The following FRAT1 variants were observed in gnomAD, a reference collection of about 807,000 sequenced individuals.
FRAT1 encodes proto-oncogene FRAT1.
In FRAT1, 9 loss-of-function variants were observed where a neutral mutation model predicts 16.9. The observed-to-expected ratio is 0.53, with a 90% CI of 0.32 to 0.93. The LOEUF is 0.93. Among genes scored for constraint, FRAT1 ranks in the 40% least tolerant of loss-of-function variants. The pLI is 0.04. For synonymous variants in FRAT1, 191 were observed against 202.1 expected (o/e 0.95, Z 0.46); for missense variants, 354 against 402.8 (o/e 0.88, Z 1.04).
chr10:97,319,439 C>T lies in FRAT1; in HGVS notation c.-15C>T, dbSNP rs987755672. 5 of 1,396,788 alleles carry T rather than the reference C, an allele frequency of 3.6e-6. No homozygotes were observed. The South Asian group carries it at 4.5e-5, about 13-fold the overall frequency. 86.5% of individuals were successfully genotyped at this position (1,396,788 alleles called of 1,614,324 possible). On this transcript the variant is annotated 5_prime_UTR_variant, in exon 1 of 1. Transcript: ENST00000371021. ...AGCGACGCCCGCACAGCTCCGGGTG[C>T]CCAGACAGGGGGCCATGCCGTGCCG... is the stretch of plus-strand genomic sequence containing the variant.
rs1394565710 is a variant in FRAT1 at position 97,319,898 on chromosome 10, C to T, written c.445C>T (p.Leu149Phe). 1.3e-6 allele frequency: 2 copies of T among 1,529,954 alleles called. No homozygotes were observed. The highest frequency in any genetic ancestry group is 2.5e-5 in the East Asian group (1 of 40,646). 94.8% of individuals were successfully genotyped at this position (1,529,954 alleles called of 1,614,324 possible). A position where few individuals can be genotyped will look rare whatever the true frequency, so the allele number is the denominator to read the frequency against. The change falls in exon 1 of 1, where the codon CTT becomes TTT. Residue 149 changes from leucine to phenylalanine, a missense_variant. Leu to Phe is a conservative substitution (Grantham distance 22, BLOSUM62 0). Around this residue, in one of 3 missense-constraint regions of FRAT1, gnomAD observed 286 missense variants for 311.0 expected, o/e 0.92. Coordinates refer to ENST00000371021, the MANE Select transcript of FRAT1 (RefSeq NM_005479.4). ...ALSPLPPQAD[L>F]DGPPGAGKQG... ...GTCCCCACTGCCCCCTCAGGCCGAC[C>T]TTGATGGGCCTCCGGGAGCTGGCAA...
Position 97,319,847 on chromosome 10 carries a change from G to A in FRAT1, c.394G>A (p.Glu132Lys), listed in dbSNP as rs1296160877. ...RGRAAPYCVAELATGPSALSP... is the reference protein window; with the variant it reads ...RGRAAPYCVAKLATGPSALSP... ...CCGCGCTGCGCCCTACTGCGTGGCC[G>A]AGCTCGCCACAGGCCCCAGCGCGCT... Residue 132 changes from glutamate (E) to lysine (K), a missense_variant, in exon 1 of 1, where the codon GAG becomes AAG. Glu to Lys is a moderately conservative substitution (Grantham distance 56, BLOSUM62 1). Around this residue, in one of 3 missense-constraint regions of FRAT1, gnomAD observed 286 missense variants for 311.0 expected, o/e 0.92. Transcript: ENST00000371021. The A allele has an allele frequency of 1.7e-5, 25 of 1,487,242 alleles. No individual in the cohort carries two copies. The highest frequency in any genetic ancestry group is 2.7e-5 in the East Asian group (1 of 37,040). 92.1% of individuals were successfully genotyped at this position (1,487,242 alleles called of 1,614,324 possible). A position where few individuals can be genotyped will look rare whatever the true frequency, so the allele number is the denominator to read the frequency against.
Position 97,319,759 on chromosome 10 carries a change from T to C in FRAT1, c.306T>C (p.Thr102=). The part of the protein sequence containing the change: ...PLLLPPALAE[T]VGPAPPGVLR... ...TGCTGCCGCCCGCGTTGGCGGAGAC[T>C]GTGGGCCCGGCGCCCCCTGGGGTCC... The change falls in exon 1 of 1, where the codon ACT becomes ACC. Residue 102 remains threonine, a synonymous_variant. Transcript: ENST00000371021. The C allele has an allele frequency of 8.1e-7, 1 of 1,232,240 alleles. No individual in the cohort carries two copies. Among genetic ancestry groups the C allele is most frequent in the Non-Finnish European group, 1.0e-6 (1 of 990,546 alleles). 76.3% of individuals were successfully genotyped at this position (1,232,240 alleles called of 1,614,324 possible). A position where few individuals can be genotyped will look rare whatever the true frequency, so the allele number is the denominator to read the frequency against.
chr10:97,320,174 T>G lies in FRAT1; in HGVS notation c.721T>G (p.Ser241Ala). The G allele has an allele frequency of 1.9e-6, 3 of 1,612,544 alleles. No homozygotes were observed. The highest frequency in any genetic ancestry group is 2.5e-6 in the Non-Finnish European group (3 of 1,179,530). Residue 241 changes from serine (S) to alanine (A), a missense_variant, in exon 1 of 1, where the codon TCG becomes GCG. By Grantham distance (99) the Ser-to-Ala change is moderately conservative (BLOSUM62 1). Around this residue, in one of 3 missense-constraint regions of FRAT1, gnomAD observed 286 missense variants for 311.0 expected, o/e 0.92. Transcript: ENST00000371021. ...CCAACGCCCGCTCCTGGGACCTCTG[T>G]CGGCCCCGGTGCATGAACCCCCTTC... is the stretch of plus-strand genomic sequence containing the variant. ...LPQRPLLGPL[S>A]APVHEPPSPR...
At position 97,319,811 on chromosome 10, in the gene FRAT1, C is replaced by A; in HGVS notation, c.358C>A (p.Arg120Ser). ...GCGCTGCGCCCTGGGGGACCGCGGC[C>A]GCGTGCGGGGCCGCGCTGCGCCCTA... ...VLRCALGDRG[R>S]VRGRAAPYCV... is the part of the protein sequence containing the mutation. The change falls in exon 1 of 1, where the codon CGC becomes AGC. Residue 120 changes from arginine (R) to serine (S), a missense_variant. This residue lies in a region of FRAT1 where 286 missense variants were observed against 311.0 expected (regional missense o/e 0.92). Coordinates refer to ENST00000371021, the MANE Select transcript of FRAT1 (RefSeq NM_005479.4). 1 of 1,351,060 alleles carries A rather than the reference C, an allele frequency of 7.4e-7. No individual in the cohort carries two copies. Among genetic ancestry groups the A allele is most frequent in the Non-Finnish European group, 9.4e-7 (1 of 1,062,622 alleles). The allele number at this position is 1,351,060 out of a possible 1,614,324, so 83.7% of individuals were successfully genotyped here.
chr10:97,319,304 G>T lies in FRAT1; in HGVS notation c.-150G>T, dbSNP rs145308736. On this transcript the variant is annotated 5_prime_UTR_variant, in exon 1 of 1. Coordinates refer to ENST00000371021, the MANE Select transcript of FRAT1 (RefSeq NM_005479.4). ...GCGGCTGCAGGCGCGCGGCTAGAGT[G>T]CCTGGCGGGCTCCGGCTTCCGCGTC... 908 of 1,068,612 alleles carry T rather than the reference G, an allele frequency of 8.5e-4. 8 individuals carry two copies. The African/African-American group carries it at 0.011, about 13-fold the overall frequency. 66.2% of individuals were successfully genotyped at this position (1,068,612 alleles called of 1,614,324 possible).
chr10:97,320,368 AGGCTGGTGGAGAACTCT>A lies in FRAT1; in HGVS notation c.*80_*96del. ...TCCCTTGAGGGCTGCAGTTCTACTC[AGGCTGGTGGAGAACTCT>A]GGCTTTTGGAAGCGAGAGTAAAAAG... On this transcript the variant is annotated 3_prime_UTR_variant, in exon 1 of 1. Transcript: ENST00000371021. The A allele has an allele frequency of 7.8e-7, 1 of 1,284,912 alleles. No homozygotes were observed. Among genetic ancestry groups the A allele is most frequent in the Non-Finnish European group, 1.0e-6 (1 of 954,904 alleles). The allele number at this position is 1,284,912 out of a possible 1,614,324, so 79.6% of individuals were successfully genotyped here.
chr10:97,320,344 C>G lies in FRAT1; in HGVS notation c.*51C>G, dbSNP rs539838394. 37 of 1,444,190 alleles carry G rather than the reference C, an allele frequency of 2.6e-5. No individual in the cohort carries two copies. The African/African-American group carries it at 4.1e-4, about 16-fold the overall frequency. The allele number at this position is 1,444,190 out of a possible 1,614,324, so 89.5% of individuals were successfully genotyped here. On this transcript the variant is annotated 3_prime_UTR_variant, in exon 1 of 1. Coordinates refer to ENST00000371021, the MANE Select transcript of FRAT1 (RefSeq NM_005479.4). Reference sequence around the variant, plus strand: ...GCCTCAGACTGGAGGGCAAGGGGTTCCCTTGAGGGCTGCAGTTCTACTCAG... The same window carrying G: ...GCCTCAGACTGGAGGGCAAGGGGTTGCCTTGAGGGCTGCAGTTCTACTCAG...
At position 97,319,532 on chromosome 10, in the gene FRAT1, C is replaced by G; in HGVS notation, c.79C>G (p.Leu27Val). Residue 27 changes from leucine (L) to valine (V), a missense_variant, in exon 1 of 1, where the codon CTA becomes GTA. Physicochemically the swap from Leu to Val is conservative, Grantham distance 32. Around this residue, in one of 3 missense-constraint regions of FRAT1, gnomAD observed 46 missense variants for 37.7 expected, o/e 1.22. Transcript: ENST00000371021. ...GEEEEEDSFL[L>V]LQQSVALGSS... ...GGAAGAGGAGGAGGACAGCTTCCTCCTACTGCAGCAGTCAGTGGCGCTGGG... is the reference window on the plus strand; with the variant it reads ...GGAAGAGGAGGAGGACAGCTTCCTCGTACTGCAGCAGTCAGTGGCGCTGGG... 12 of 1,478,684 alleles carry G rather than the reference C, an allele frequency of 8.1e-6. No homozygotes were observed. The highest frequency in any genetic ancestry group is 1.1e-5 in the Non-Finnish European group (12 of 1,117,914). 91.6% of individuals were successfully genotyped at this position (1,478,684 alleles called of 1,614,324 possible).
chr10:97,319,479 A>G lies in FRAT1; in HGVS notation c.26A>G (p.Glu9Gly). The G allele has an allele frequency of 6.8e-7, 1 of 1,466,072 alleles. No individual in the cohort carries two copies. The highest frequency in any genetic ancestry group is 9.0e-7 in the Non-Finnish European group (1 of 1,110,976). The allele number at this position is 1,466,072 out of a possible 1,614,324, so 90.8% of individuals were successfully genotyped here. MPCRREEEEEAGEEAEGEE... is the reference protein window; with the variant it reads MPCRREEEGEAGEEAEGEE... ...ATGCCGTGCCGGAGGGAGGAGGAAGAGGAAGCCGGCGAGGAGGCGGAGGGG... is the reference window on the plus strand; with the variant it reads ...ATGCCGTGCCGGAGGGAGGAGGAAGGGGAAGCCGGCGAGGAGGCGGAGGGG... Residue 9 changes from glutamate to glycine, a missense_variant, in exon 1 of 1, where the codon GAG becomes GGG. This residue lies in a region of FRAT1 where 46 missense variants were observed against 37.7 expected (regional missense o/e 1.22). Coordinates refer to ENST00000371021, the MANE Select transcript of FRAT1 (RefSeq NM_005479.4).
In FRAT1 at chr10:97,319,756, G is replaced by T; in HGVS notation, c.303G>T (p.Glu101Asp). The T allele has an allele frequency of 8.2e-7, 1 of 1,221,198 alleles. No homozygotes were observed. The highest frequency in any genetic ancestry group is 1.0e-6 in the Non-Finnish European group (1 of 983,188). The allele number at this position is 1,221,198 out of a possible 1,614,324, so 75.6% of individuals were successfully genotyped here. ...TGCTGCTGCCGCCCGCGTTGGCGGA[G>T]ACTGTGGGCCCGGCGCCCCCTGGGG... ...VPLLLPPALA[E>D]TVGPAPPGVL... Residue 101 changes from glutamate to aspartate, a missense_variant, in exon 1 of 1, where the codon GAG becomes GAT. Coordinates refer to ENST00000371021, the MANE Select transcript of FRAT1 (RefSeq NM_005479.4).
chr10:97,319,655 G>T lies in FRAT1; in HGVS notation c.202G>T (p.Gly68Trp). The T allele has an allele frequency of 8.3e-7, 1 of 1,211,932 alleles. No homozygotes were observed. The highest frequency in any genetic ancestry group is 1.0e-6 in the Non-Finnish European group (1 of 976,654). The allele number at this position is 1,211,932 out of a possible 1,614,324, so 75.1% of individuals were successfully genotyped here. A position where few individuals can be genotyped will look rare whatever the true frequency, so the allele number is the denominator to read the frequency against. The change falls in exon 1 of 1, where the codon GGG becomes TGG. Residue 68 changes from glycine to tryptophan, a missense_variant. Physicochemically the swap from Gly to Trp is radical, Grantham distance 184. Around this residue, in one of 3 missense-constraint regions of FRAT1, gnomAD observed 286 missense variants for 311.0 expected, o/e 0.92. Transcript: ENST00000371021. Reference protein sequence around the residue: ...HSPASPCGPPGAPLRAPGPLA... With the variant: ...HSPASPCGPPWAPLRAPGPLA... Reference sequence around the variant, plus strand: ...CCCGGCCTCGCCGTGCGGGCCCCCGGGGGCGCCGCTGCGGGCCCCGGGGCC... The same window carrying T: ...CCCGGCCTCGCCGTGCGGGCCCCCGTGGGCGCCGCTGCGGGCCCCGGGGCC...
In FRAT1 at chr10:97,319,458, C is replaced by T. The variant is rs1014769365; in HGVS notation, c.5C>T (p.Pro2Leu). ...CGGGTGCCCAGACAGGGGGCCATGC[C>T]GTGCCGGAGGGAGGAGGAAGAGGAA... M[P>L]CRREEEEEAG... Residue 2 changes from proline (P) to leucine (L), a missense_variant, in exon 1 of 1, where the codon CCG becomes CTG. This residue lies in a region of FRAT1 where 46 missense variants were observed against 37.7 expected (regional missense o/e 1.22). Coordinates refer to ENST00000371021, the MANE Select transcript of FRAT1 (RefSeq NM_005479.4). 3.5e-6 allele frequency: 5 copies of T among 1,433,990 alleles called. No individual in the cohort carries two copies. The South Asian group carries it at 5.5e-5, about 16-fold the overall frequency. The allele number at this position is 1,433,990 out of a possible 1,614,324, so 88.8% of individuals were successfully genotyped here. A position where few individuals can be genotyped will look rare whatever the true frequency, so the allele number is the denominator to read the frequency against.
In FRAT1 at chr10:97,320,250, C is replaced by T; in HGVS notation, c.797C>T (p.Ala266Val). ...ACSDPGASGR[A>V]QLRTGDGVLV... Reference sequence around the variant, plus strand: ...AGTGACCCTGGCGCCTCCGGGAGGGCGCAGCTCAGAACTGGCGACGGCGTT... The same window carrying T: ...AGTGACCCTGGCGCCTCCGGGAGGGTGCAGCTCAGAACTGGCGACGGCGTT... Residue 266 changes from alanine (A) to valine (V), a missense_variant, in exon 1 of 1, where the codon GCG (alanine) becomes GTG (valine). Physicochemically the swap from Ala to Val is moderately conservative, Grantham distance 64. This residue lies in a region of FRAT1 where 286 missense variants were observed against 311.0 expected (regional missense o/e 0.92). Coordinates refer to ENST00000371021, the MANE Select transcript of FRAT1 (RefSeq NM_005479.4). 6.2e-7 allele frequency: 1 copy of T among 1,601,394 alleles called. No homozygotes were observed. The highest frequency in any genetic ancestry group is 8.5e-7 in the Non-Finnish European group (1 of 1,174,826).
chr10:97,320,149 C>G lies in FRAT1; in HGVS notation c.696C>G (p.Pro232=). Reference sequence around the variant, plus strand: ...GGCTGCAGTTACGTGCAAAGCTTCCCCAACGCCCGCTCCTGGGACCTCTGT... The same window carrying G: ...GGCTGCAGTTACGTGCAAAGCTTCCGCAACGCCCGCTCCTGGGACCTCTGT... ...SRRLQLRAKL[P]QRPLLGPLSA... Residue 232 remains proline (P), a synonymous_variant, in exon 1 of 1, where the codon CCC becomes CCG. Transcript: ENST00000371021. The G allele has an allele frequency of 6.2e-7, 1 of 1,612,746 alleles. No individual in the cohort carries two copies. The highest frequency in any genetic ancestry group is 8.5e-7 in the Non-Finnish European group (1 of 1,179,580).
rs1291963772 is a variant in FRAT1, at chr10:97,319,768, G to A, written c.315G>A (p.Pro105=). The A allele has an allele frequency of 6.5e-6, 8 of 1,237,358 alleles. No individual in the cohort carries two copies. Among genetic ancestry groups the A allele is most frequent in the Non-Finnish European group, 8.1e-6 (8 of 993,774 alleles). 76.6% of individuals were successfully genotyped at this position (1,237,358 alleles called of 1,614,324 possible). The change falls in exon 1 of 1, where the codon CCG becomes CCA. Residue 105 remains proline, a synonymous_variant. Coordinates refer to ENST00000371021, the MANE Select transcript of FRAT1 (RefSeq NM_005479.4). ...CCGCGTTGGCGGAGACTGTGGGCCC[G>A]GCGCCCCCTGGGGTCCTGCGCTGCG... The part of the protein sequence containing the change: ...LPPALAETVG[P]APPGVLRCAL...
rs987755672 is a variant in FRAT1, at chr10:97,319,439, C to A, written c.-15C>A. The A allele has an allele frequency of 1.4e-6, 2 of 1,396,680 alleles. No individual in the cohort carries two copies. The highest frequency in any genetic ancestry group is 9.3e-7 in the Non-Finnish European group (1 of 1,071,734). The allele number at this position is 1,396,680 out of a possible 1,614,324, so 86.5% of individuals were successfully genotyped here. A position where few individuals can be genotyped will look rare whatever the true frequency, so the allele number is the denominator to read the frequency against. On this transcript the variant is annotated 5_prime_UTR_variant, in exon 1 of 1. Transcript: ENST00000371021. ...AGCGACGCCCGCACAGCTCCGGGTG[C>A]CCAGACAGGGGGCCATGCCGTGCCG...
At position 97,319,339 on chromosome 10, in the gene FRAT1, C is replaced by G. The variant is rs1181677874; in HGVS notation, c.-115C>G. 1.6e-6 allele frequency: 2 copies of G among 1,220,868 alleles called. No homozygotes were observed. Among genetic ancestry groups the G allele is most frequent in the South Asian group, 3.4e-5 (1 of 29,760 alleles). The allele number at this position is 1,220,868 out of a possible 1,614,324, so 75.6% of individuals were successfully genotyped here. ...CTCCGGCTTCCGCGTCCGCCCCGGCCCCGGTCCAGACTTAGTCTTCAGCTC... is the reference window on the plus strand; with the variant it reads ...CTCCGGCTTCCGCGTCCGCCCCGGCGCCGGTCCAGACTTAGTCTTCAGCTC... On this transcript the variant is annotated 5_prime_UTR_variant, in exon 1 of 1. Transcript: ENST00000371021.
Position 97,321,610 on chromosome 10 carries a change from T to C in FRAT1, c.*1317T>C, listed in dbSNP as rs1843462491. Reference sequence around the variant, plus strand: ...CTGCAGGCTTTGCCATTGTGAACCATGGTGAAGTGCTTGGAACATACTGTT... The same window carrying C: ...CTGCAGGCTTTGCCATTGTGAACCACGGTGAAGTGCTTGGAACATACTGTT... On this transcript the variant is annotated 3_prime_UTR_variant, in exon 1 of 1. Transcript: ENST00000371021. The C allele has an allele frequency of 6.0e-6, 1 of 167,096 alleles. No homozygotes were observed. Among genetic ancestry groups the C allele is most frequent in the Admixed American group, 6.5e-5 (1 of 15,278 alleles). 10.4% of individuals were successfully genotyped at this position (167,096 alleles called of 1,614,324 possible).
Sources: gnomAD v4.1 joint callset for allele counts on GRCh38, gnomAD v4.1.1 for gene constraint, gnomAD v4.1.1 regional missense constraint, MANE v1.5 for transcripts, NCBI Gene and HGNC (gene_info 2026-07-23, HGNC 2026-07-21) for gene names.